TANC1: variants seen among roughly 807,000 people sequenced by gnomAD.
TANC1 encodes the protein tetratricopeptide repeat, ankyrin repeat and coiled-coil containing 1, also known as protein TANC1.
In TANC1, 77 loss-of-function variants were observed where a neutral mutation model predicts 149.7. That is an observed-to-expected ratio of 0.51 (90% CI 0.43 to 0.62). The LOEUF (loss-of-function observed/expected upper bound fraction) is 0.62, where lower values mean the gene tolerates loss of function less well. Among genes scored for constraint, TANC1 ranks in the 20% least tolerant of loss-of-function variants. TANC1 has a pLI of 0.00. For synonymous variants in TANC1, 854 were observed against 925.0 expected (o/e 0.92, Z 1.39); for missense variants, 1,985 against 2,321.8 (o/e 0.85, Z 2.98).
intron 2 of TANC1, among the ~76,000 whole-genome samples, chr2:159,021,739 A>C (rs1177947310): frequency 6.6e-6 from 1 of 152,258 alleles, no homozygotes; most frequent in Non-Finnish European, 1.5e-5. Context: ...ATTAAAATTA[A>C]ATGAATTGCT....
chr2:159,208,407 T>C (rs1001866735), intron 19 of TANC1, among the ~76,000 whole-genome samples: 2 of 152,242 alleles, frequency 1.3e-5, no homozygotes, highest in Admixed American at 6.5e-5. Context: ...GTTACACATT[T>C]TATTTTTTAA....
Position 159,230,906 on chromosome 2 carries a change from A to G in TANC1, c.5480A>G (p.Tyr1827Cys), listed in dbSNP as rs751711037. The G allele has an allele frequency of 5.0e-6, 8 of 1,614,190 alleles. No individual in the cohort carries two copies. Among genetic ancestry groups the G allele is most frequent in the Non-Finnish European group, 6.8e-6 (8 of 1,180,034 alleles). Residue 1827 changes from tyrosine (Y) to cysteine (C), a missense_variant, in exon 27 of 27, where the codon TAC (tyrosine) becomes TGC (cysteine). By Grantham distance (194) the Tyr-to-Cys change is radical. Transcript: ENST00000263635. The surrounding 1 kb of genome is among the most constrained non-coding windows in gnomAD (Gnocchi z 4.4). ...ATAACTAAGACTGTTTCTCATCTGT[A>G]CCAGGAAAGTATCTCCAAACAGCAG... is the stretch of plus-strand genomic sequence containing the variant. ...NRITKTVSHL[Y>C]QESISKQQPH...
intron 1 of TANC1, among the ~76,000 whole-genome samples, chr2:158,975,675 A>G (rs891451472): frequency 7.9e-5 from 12 of 151,630 alleles, no homozygotes; most frequent in African/African-American, 9.7e-5. Context: ...GCCTCAAGCA[A>G]TCCTTCCACC....
intron 23 of TANC1, 134 bp downstream of exon 23, chr2:159,224,498 C>A: frequency 1.0e-6 from 1 of 991,194 alleles, no homozygotes; most frequent in Non-Finnish European, 1.5e-6. Flanking sequence ...CTGTCTCAGT[C>A]TCACTTAATC....
chr2:159,158,583 A>G (rs1559364731), intron 7 of TANC1, among the ~76,000 whole-genome samples: 1 of 152,226 alleles, frequency 6.6e-6, no homozygotes. Flanking sequence ...AGTGAATTTG[A>G]AATGCTCAAA....
chr2:159,054,691 A>T (rs1447755723), intron 2 of TANC1, among the ~76,000 whole-genome samples: 1 of 152,214 alleles, frequency 6.6e-6, no homozygotes, highest in Non-Finnish European at 1.5e-5. Context: ...ACCAAATTTC[A>T]TTCAGCTGGC....
intron 3 of TANC1, among the ~76,000 whole-genome samples, chr2:159,067,557 T>G (rs557620765): frequency 6.6e-6 from 1 of 152,376 alleles, no homozygotes; most frequent in Non-Finnish European, 1.5e-5. Flanking sequence ...TTCTTGTTAG[T>G]TTTCTGAAAG....
At chr2:159,077,989 A>G (rs941435479) in intron 3 of TANC1, among the ~76,000 whole-genome samples, 2 of 152,230 alleles carry the variant, frequency 1.3e-5, no homozygotes, top group Admixed American at 6.5e-5. Context: ...CCAGCATGAG[A>G]GGCAAAAATT....
intron 2 of TANC1, among the ~76,000 whole-genome samples, chr2:159,031,273 G>C (rs264605): frequency 0.28 from 43,305 of 152,134 alleles, 6,577 homozygotes; most frequent in East Asian, 0.51. Flanking sequence ...GCCAGCAAGG[G>C]GAGTGTGGGG....
chr2:159,104,205 G>T (rs2046961374), intron 4 of TANC1, among the ~76,000 whole-genome samples: 1 of 95,994 alleles, frequency 1.0e-5, no homozygotes, highest in South Asian at 3.6e-4. Flanking sequence ...CTGTGAACGT[G>T]ACGCACAGAT....
Position 159,092,864 on chromosome 2 carries a change from CTCTA to C in TANC1, c.62-4769_62-4766del, listed in dbSNP as rs1440615587. On this transcript the variant is annotated intron_variant, in intron 3 of 26. Coordinates refer to ENST00000263635, the MANE Select transcript of TANC1 (RefSeq NM_033394.3). ...ACTAAAAATGTGTCGTTTTGGGGAT[CTCTA>C]TCTTTTTCCCCAAATTAAAGCTCTT... is the stretch of plus-strand genomic sequence containing the variant. Among the ~76,000 whole-genome samples, 5 of 152,306 alleles carry C rather than the reference CTCTA, an allele frequency of 3.3e-5. No individual in the cohort carries two copies. In the East Asian group the frequency reaches 7.7e-4, roughly 24 times the overall value.
intron 19 of TANC1, among the ~76,000 whole-genome samples, chr2:159,215,700 C>T (rs2059298169): frequency 6.6e-6 from 1 of 152,172 alleles, no homozygotes; most frequent in Non-Finnish European, 1.5e-5. Context: ...CACAGATGAC[C>T]CTCTCCCGAG....
At chr2:159,199,093 C>G (rs1187730389) in intron 19 of TANC1, 40 bp downstream of exon 19, 1 of 1,535,662 alleles carries the variant, frequency 6.5e-7, no homozygotes, top group South Asian at 1.1e-5. Flanking sequence ...GGGCAGCTTG[C>G]TTGATGTTTT....
chr2:159,190,511 G>T (rs73002965), intron 16 of TANC1, among the ~76,000 whole-genome samples: 2,349 of 152,176 alleles, frequency 0.015, 54 homozygotes, highest in African/African-American at 0.044. Context: ...GTTACTCAAA[G>T]GGATTTTTAA....
chr2:159,073,899 T>C (rs894603709), intron 3 of TANC1, among the ~76,000 whole-genome samples: 1 of 152,204 alleles, frequency 6.6e-6, no homozygotes, highest in African/African-American at 2.4e-5. Context: ...CTGAAGTAGA[T>C]TGGCTTTTAT....
chr2:159,028,510 T>G (rs868556134), intron 2 of TANC1, among the ~76,000 whole-genome samples: 2 of 152,224 alleles, frequency 1.3e-5, no homozygotes, highest in African/African-American at 4.8e-5. Context: ...ATCTGAATCC[T>G]TGAGTTTGTA....
At chr2:159,043,899 C>T (rs2040845537) in intron 2 of TANC1, among the ~76,000 whole-genome samples, 1 of 152,188 alleles carries the variant, frequency 6.6e-6, no homozygotes. Context: ...TACAGGTTGC[C>T]TTACCTCAAA....
At chr2:159,155,064 A>G (rs1265604021) in intron 7 of TANC1, among the ~76,000 whole-genome samples, 1 of 152,250 alleles carries the variant, frequency 6.6e-6, no homozygotes, top group Non-Finnish European at 1.5e-5. Flanking sequence ...TTTTCATTAG[A>G]ATGTGTGAAA....
At chr2:159,185,384 C>G (rs996880999) in intron 14 of TANC1, among the ~76,000 whole-genome samples, 3 of 152,256 alleles carry the variant, frequency 2.0e-5, no homozygotes, top group African/African-American at 7.2e-5. Context: ...TAGCCTTCTT[C>G]TCACCACAAG....
Sources: allele counts gnomAD v4.1 joint callset (sites outside exome capture counted in the v4.1 genomes callset), GRCh38; gene constraint gnomAD v4.1.1; non-coding constraint Gnocchi (gnomAD v3.1); transcripts MANE v1.5; gene names NCBI Gene and HGNC (gene_info 2026-07-23, HGNC 2026-07-21).